POGZ: variants seen among roughly 807,000 people sequenced by gnomAD.
POGZ encodes pogo transposable element with ZNF domain.
Under a neutral mutation model 134.6 loss-of-function variants are expected in POGZ, and 17 were observed. The ratio of observed to expected loss-of-function variants is 0.13; its 90% CI spans 0.09 to 0.19. POGZ has a LOEUF of 0.19. POGZ is among the 10% of genes least tolerant of loss of function. The pLI, the probability that POGZ is intolerant of heterozygous loss-of-function variation, is 1.00. For synonymous variants in POGZ, 693 were observed against 657.1 expected (o/e 1.05, Z -0.84); for missense variants, 1,306 against 1,769.7 (o/e 0.74, Z 4.70).
chr1:151,438,768 C>T (rs918613235), intron 3 of POGZ, among the ~76,000 whole-genome samples: 18 of 152,022 alleles, frequency 1.2e-4, no homozygotes, highest in African/African-American at 4.1e-4. Flanking sequence ...GTCCTAGCTA[C>T]TTGCGGGGCT....
intron 1 of POGZ, among the ~76,000 whole-genome samples, chr1:151,452,164 A>G (rs1334395604): frequency 2.0e-5 from 3 of 150,870 alleles, no homozygotes; most frequent in Non-Finnish European, 4.4e-5. Flanking sequence ...AGGTGGTAGG[A>G]TTGCTTAAGG....
intron 3 of POGZ, among the ~76,000 whole-genome samples, chr1:151,432,088 G>C (rs188180831): frequency 1.3e-5 from 2 of 152,310 alleles, no homozygotes; most frequent in African/African-American, 4.8e-5. Flanking sequence ...AGAATTGCTT[G>C]AACCAGGGAG....
intron 7 of POGZ, 138 bp from the exon 8 acceptor site, chr1:151,425,199 G>C: frequency 1.8e-6 from 1 of 561,300 alleles, no homozygotes; most frequent in Non-Finnish European, 3.3e-6. Context: ...TATGGTTTTT[G>C]TTTGTTTTTG....
chr1:151,414,441 TA>T (rs558067052), intron 10 of POGZ, among the ~76,000 whole-genome samples: 91 of 152,338 alleles, frequency 6.0e-4, no homozygotes, highest in African/African-American at 2.1e-3. Flanking sequence ...ACATCAATAA[TA>T]AAAACACTTA....
intron 10 of POGZ, among the ~76,000 whole-genome samples, chr1:151,422,893 T>C (rs1249349693): frequency 6.6e-6 from 1 of 152,090 alleles, no homozygotes; most frequent in Non-Finnish European, 1.5e-5. Flanking sequence ...TGCCCGGCCA[T>C]ATTATCTTTT....
chr1:151,444,008 C>T (rs182890281), intron 1 of POGZ, among the ~76,000 whole-genome samples: 48 of 152,306 alleles, frequency 3.2e-4, no homozygotes, highest in Non-Finnish European at 5.1e-4. Context: ...TACATCCTGA[C>T]AGTAGCAGTT....
intron 1 of POGZ, among the ~76,000 whole-genome samples, chr1:151,443,342 C>T (rs1660820528): frequency 6.6e-6 from 1 of 152,158 alleles, no homozygotes; most frequent in South Asian, 2.1e-4. Flanking sequence ...GAGGCCATTC[C>T]ACTGTGATTT....
At chr1:151,422,625 CTT>C (rs1657106468) in intron 10 of POGZ, among the ~76,000 whole-genome samples, 1 of 151,146 alleles carries the variant, frequency 6.6e-6, no homozygotes, top group South Asian at 2.1e-4. Flanking sequence ...GAGTTTTGCT[CTT>C]GTTGCCCAGA....
Position 151,406,446 on chromosome 1 carries a change from G to A in POGZ, c.2589C>T (p.Asp863=). ...IAHSRHGQTR[D]RVHDRNVKNM... ...TCTTCACGTTCCGGTCATGCACTCG[G>A]TCACGAGTCTGGCCATGCCTAAAGG... is the stretch of plus-strand genomic sequence containing the variant. Residue 863 remains aspartate, a synonymous_variant, in exon 19 of 19, where the codon GAC becomes GAT. Transcript: ENST00000271715. 6.4e-7 allele frequency: 1 copy of A among 1,550,406 alleles called. No individual in the cohort carries two copies. Among genetic ancestry groups the A allele is most frequent in the Non-Finnish European group, 8.7e-7 (1 of 1,151,182 alleles).
intron 8 of POGZ, 61 bp from the exon 9 acceptor site, chr1:151,424,347 T>G: frequency 1.0e-6 from 1 of 977,864 alleles, no homozygotes; most frequent in East Asian, 2.4e-5. Context: ...GCTAACTCCT[T>G]AACTTCACTA....
intron 10 of POGZ, among the ~76,000 whole-genome samples, chr1:151,417,029 T>C (rs951649850): frequency 2.0e-5 from 3 of 152,164 alleles, no homozygotes; most frequent in African/African-American, 7.2e-5. Context: ...AAAGTAGGTA[T>C]TGAATGTTAT....
intron 1 of POGZ, among the ~76,000 whole-genome samples, chr1:151,448,144 C>T (rs1164121746): frequency 6.6e-6 from 1 of 152,122 alleles, no homozygotes; most frequent in African/African-American, 2.4e-5. Flanking sequence ...AAAAATTCCA[C>T]ATCCACAAAT....
intron 3 of POGZ, among the ~76,000 whole-genome samples, chr1:151,433,437 G>A (rs889984335): frequency 3.3e-5 from 5 of 151,858 alleles, no homozygotes; most frequent in African/African-American, 9.7e-5. Context: ...GAGAAATCCC[G>A]TCTCTACTAA....
intron 10 of POGZ, among the ~76,000 whole-genome samples, chr1:151,416,238 AAAAG>A (rs1487255699): frequency 4.2e-4 from 60 of 144,080 alleles, no homozygotes; most frequent in African/African-American, 1.4e-3. Flanking sequence ...AAAAAAAAGA[AAAAG>A]AAAGAAAAGA....
chr1:151,450,214 T>C (rs1661877172), intron 1 of POGZ, among the ~76,000 whole-genome samples: 1 of 151,672 alleles, frequency 6.6e-6, no homozygotes, highest in Admixed American at 6.6e-5. Context: ...GTATTTTTAG[T>C]AGAGATGGGT....
At chr1:151,427,054 A>C (rs1657907473) in intron 7 of POGZ, 1 of 149,360 alleles carries the variant, frequency 6.7e-6, no homozygotes, top group African/African-American at 2.5e-5. Flanking sequence ...GCAGACATAC[A>C]CCACCACGCC....
At chr1:151,416,802 T>C (rs1020558924) in intron 10 of POGZ, among the ~76,000 whole-genome samples, 1 of 151,402 alleles carries the variant, frequency 6.6e-6, no homozygotes, top group Admixed American at 6.6e-5. Flanking sequence ...TAAAAAAAAA[T>C]ACAAAAACAG....
At chr1:151,444,493 C>T (rs143794688) in intron 1 of POGZ, among the ~76,000 whole-genome samples, 1 of 152,102 alleles carries the variant, frequency 6.6e-6, no homozygotes, top group Admixed American at 6.5e-5. Context: ...CGCAAATATC[C>T]AACACCCAGC....
rs765196825 is a variant in POGZ at position 151,406,422 on chromosome 1, C to T, written c.2613G>A (p.Lys871=). 2 of 1,557,498 alleles carry T rather than the reference C, an allele frequency of 1.3e-6. No homozygotes were observed. The highest frequency in any genetic ancestry group is 1.7e-6 in the Non-Finnish European group (2 of 1,153,796). Residue 871 remains lysine (K), a synonymous_variant, in exon 19 of 19, where the codon AAG becomes AAA. Coordinates refer to ENST00000271715, the MANE Select transcript of POGZ (RefSeq NM_015100.4). The stretch of plus-strand genomic sequence containing the variant: ...GGAAGGAAGGAGGAGGGTACATATT[C>T]TTCACGTTCCGGTCATGCACTCGGT... ...TRDRVHDRNV[K]NMYPPPSFPT... is the part of the protein sequence containing the mutation.
Sources: gnomAD v4.1 joint callset for allele counts (sites outside exome capture counted in the v4.1 genomes callset) on GRCh38, gnomAD v4.1.1 for gene constraint, MANE v1.5 for transcripts, NCBI Gene and HGNC (gene_info 2026-07-23, HGNC 2026-07-21) for gene names.